The following TRIM33 variants were observed in gnomAD, a reference collection of about 807,000 sequenced individuals.
TRIM33 encodes E3 ubiquitin-protein ligase TRIM33.
A neutral mutation model predicts 125.4 loss-of-function variants in TRIM33; 20 were observed. The ratio of observed to expected loss-of-function variants is 0.16; its 90% CI spans 0.11 to 0.23. The LOEUF (loss-of-function observed/expected upper bound fraction) is 0.23, where lower values mean the gene tolerates loss of function less well. TRIM33 is among the 10% of genes least tolerant of loss of function. TRIM33 has a pLI of 1.00. For missense variants in TRIM33, 920 were observed against 1,411.4 expected (o/e 0.65, Z 5.58); for synonymous variants, 564 against 513.9 (o/e 1.10, Z -1.32).
chr1:114,433,874 A>G, intron 4 of TRIM33, 141 bp from the exon 5 acceptor site: 1 of 510,306 alleles, frequency 2.0e-6, no homozygotes, highest in Non-Finnish European at 3.4e-6. Flanking sequence ...TTATCTCAAC[A>G]GCAACTTTTA....
chr1:114,472,853 A>C (rs1161134657), intron 1 of TRIM33, among the ~76,000 whole-genome samples: 3 of 152,176 alleles, frequency 2.0e-5, no homozygotes, highest in Non-Finnish European at 2.9e-5. Context: ...AAGACAAGAA[A>C]ATTTTGAAAA....
chr1:114,403,318 G>A (rs1041818857), intron 15 of TRIM33, among the ~76,000 whole-genome samples: 3 of 151,954 alleles, frequency 2.0e-5, no homozygotes, highest in African/African-American at 4.8e-5. Flanking sequence ...TTCTTTTTTC[G>A]TGGTCAAAAC....
chr1:114,444,259 T>C (rs1289087611), intron 4 of TRIM33, among the ~76,000 whole-genome samples: 1 of 152,132 alleles, frequency 6.6e-6, no homozygotes, highest in Non-Finnish European at 1.5e-5. Flanking sequence ...AGATATTGAA[T>C]ATGTGTGAAT....
chr1:114,425,576 A>G lies in TRIM33; in HGVS notation c.1568T>C (p.Val523Ala), dbSNP rs1647513081. The G allele has an allele frequency of 1.8e-5, 29 of 1,614,026 alleles. No homozygotes were observed. Among genetic ancestry groups the G allele is most frequent in the Non-Finnish European group, 2.5e-5 (29 of 1,180,004 alleles). The change falls in exon 9 of 20, where the codon GTA becomes GCA. Residue 523 changes from valine (V) to alanine (A), a missense_variant. Physicochemically the swap from Val to Ala is moderately conservative, Grantham distance 64. This residue lies in a region of TRIM33 where 407 missense variants were observed against 589.7 expected (regional missense o/e 0.69). Transcript: ENST00000358465. ...CAACTGCTGATGTTTCTGTGCATAT[A>G]CTTGTTGTTGCATGTGCTGGAGTCG... ...QLRLQHMQQQ[V>A]YAQKHQQLQQ...
chr1:114,416,932 G>C (rs1652974486), intron 11 of TRIM33, among the ~76,000 whole-genome samples: 1 of 152,170 alleles, frequency 6.6e-6, no homozygotes, highest in Non-Finnish European at 1.5e-5. Flanking sequence ...ATACTTGTAT[G>C]AACTTGTAAA....
At chr1:114,425,753 T>A in intron 8 of TRIM33, 30 bp from the exon 9 acceptor site, 1 of 1,489,272 alleles carries the variant, frequency 6.7e-7, no homozygotes, top group Non-Finnish European at 9.2e-7. Context: ...AGAATTTGCA[T>A]ATAATCAACT....
At chr1:114,477,747 G>A (rs1262075541) in intron 1 of TRIM33, among the ~76,000 whole-genome samples, 3 of 152,124 alleles carry the variant, frequency 2.0e-5, no homozygotes, top group Non-Finnish European at 4.4e-5. Flanking sequence ...ATACAACACT[G>A]GCCACTGAGC....
chr1:114,472,480 C>T lies in TRIM33; in HGVS notation c.527-8092G>A, dbSNP rs1650707272. 4.6e-5 allele frequency among the ~76,000 whole-genome samples: 7 copies of T among 152,180 alleles called. 1 individual carries two copies. The South Asian group carries it at 1.5e-3, about 32-fold the overall frequency. ...AGATGCTGTGGCTCACGCCTGTAAT[C>T]CCAACATTTTGGGAGCCAGAGGCGG... is the stretch of plus-strand genomic sequence containing the variant. On this transcript the variant is annotated intron_variant, in intron 1 of 19. Coordinates refer to ENST00000358465, the MANE Select transcript of TRIM33 (RefSeq NM_015906.4).
chr1:114,462,614 A>G (rs914557313), intron 4 of TRIM33, among the ~76,000 whole-genome samples: 3 of 152,188 alleles, frequency 2.0e-5, no homozygotes, highest in Middle Eastern at 3.2e-3. Flanking sequence ...AATGAATACT[A>G]CTGAATTCTG....
chr1:114,405,839 A>C, intron 14 of TRIM33, 80 bp from the exon 15 acceptor site: 1 of 1,204,164 alleles, frequency 8.3e-7, no homozygotes, highest in Non-Finnish European at 1.2e-6. Flanking sequence ...CAGTTATGTG[A>C]ATATGCATAT....
chr1:114,483,416 GTTT>G (rs553269663), intron 1 of TRIM33, among the ~76,000 whole-genome samples: 1 of 145,140 alleles, frequency 6.9e-6, no homozygotes, highest in East Asian at 2.0e-4. Context: ...ACCCAGTTGG[GTTT>G]TTTTTTTTTC....
chr1:114,406,662 T>A (rs907882337), intron 14 of TRIM33, among the ~76,000 whole-genome samples: 1 of 152,174 alleles, frequency 6.6e-6, no homozygotes, highest in Admixed American at 6.5e-5. Flanking sequence ...CAGGACAAGA[T>A]ACAATCTGAT....
At chr1:114,483,502 C>G (rs1047230473) in intron 1 of TRIM33, among the ~76,000 whole-genome samples, 2 of 151,586 alleles carry the variant, frequency 1.3e-5, no homozygotes, top group Admixed American at 6.6e-5. Flanking sequence ...ACCTCTGCCT[C>G]CTGGGTTCAA....
chr1:114,442,202 G>T (rs1360793424), intron 4 of TRIM33, among the ~76,000 whole-genome samples: 1 of 152,148 alleles, frequency 6.6e-6, no homozygotes, highest in Admixed American at 6.5e-5. Context: ...TTTGTTGAGT[G>T]AAGTTCAATA....
Position 114,410,174 on chromosome 1 carries a change from T to C in TRIM33, c.2194+10A>G. The C allele has an allele frequency of 6.2e-7, 1 of 1,613,800 alleles. No individual in the cohort carries two copies. Among genetic ancestry groups the C allele is most frequent in the East Asian group, 2.2e-5 (1 of 44,864 alleles). On this transcript the variant is annotated intron_variant, in intron 12 of 19. Transcript: ENST00000358465. ...GTGTTAAAAAATAAGGTAATACCCG[T>C]TTGCTTTACCTGATGATCCCGGAGA... is the stretch of plus-strand genomic sequence containing the variant.
intron 16 of TRIM33, among the ~76,000 whole-genome samples, chr1:114,402,063 C>T (rs79233405): frequency 0.063 from 9,519 of 152,214 alleles, 321 homozygotes; most frequent in African/African-American, 0.086. Flanking sequence ...CCAGTATATA[C>T]ACCAGAGTAG....
At position 114,410,326 on chromosome 1, in the gene TRIM33, A is replaced by G; in HGVS notation, c.2062-10T>C. The stretch of plus-strand genomic sequence containing the variant: ...AGCCAGCATCTTCCAACTGAAGAGA[A>G]AGAAGATAAAGACAAATTTGCTTTG... On this transcript the variant is annotated splice_polypyrimidine_tract_variant and intron_variant, in intron 11 of 19. Transcript: ENST00000358465. The G allele has an allele frequency of 6.2e-7, 1 of 1,604,512 alleles. No homozygotes were observed. The highest frequency in any genetic ancestry group is 8.5e-7 in the Non-Finnish European group (1 of 1,177,534).
Position 114,511,065 on chromosome 1 carries a change from GT to G in TRIM33, c.11del (p.Asn4ThrfsTer19), listed in dbSNP as rs1310371493. 3.9e-6 allele frequency: 5 copies of G among 1,292,706 alleles called. No homozygotes were observed. The highest frequency in any genetic ancestry group is 3.4e-5 in the Admixed American group (1 of 29,040). 80.1% of individuals were successfully genotyped at this position (1,292,706 alleles called of 1,614,324 possible). On this transcript the variant is annotated frameshift_variant, in exon 1 of 20. Transcript: ENST00000358465. LOFTEE classifies it high-confidence loss of function. MAENKGGGEAESGG... is the reference protein window; with the variant it reads MAEXKGGGEAESGG... ...CGCTCTCAGCCTCGCCGCCGCCTTT[GT>G]TTTCCGCCATGTTTTCCTCTTTGAA...
intron 1 of TRIM33, among the ~76,000 whole-genome samples, chr1:114,464,907 T>G (rs1650199373): frequency 6.6e-6 from 1 of 152,066 alleles, no homozygotes; most frequent in South Asian, 2.1e-4. Context: ...AGGCAACCAC[T>G]AGAAGCTGAA....
Sources: gnomAD v4.1 joint callset for allele counts (sites outside exome capture counted in the v4.1 genomes callset) on GRCh38, gnomAD v4.1.1 for gene constraint, gnomAD v4.1.1 regional missense constraint, MANE v1.5 for transcripts, NCBI Gene and HGNC (gene_info 2026-07-23, HGNC 2026-07-21) for gene names.